The following CMTM4 variants were observed in gnomAD, a reference collection of about 807,000 sequenced individuals.
The protein encoded by CMTM4 is CKLF like MARVEL transmembrane domain containing 4, also known as CKLF-like MARVEL transmembrane domain-containing protein 4.
CMTM4 carries 8 observed loss-of-function variants against 19.0 expected under a neutral mutation model. The observed-to-expected ratio is 0.42, with a 90% confidence interval of 0.25 to 0.76. CMTM4 has a LOEUF of 0.76. Ranked by LOEUF, CMTM4 falls within the 30% of genes least tolerant of loss-of-function variation. The probability of loss-of-function intolerance (pLI) is 0.27; values close to 1 mark genes in which losing one functional copy is unlikely to be tolerated. For missense variants in CMTM4, 228 were observed against 290.2 expected (o/e 0.79, Z 1.56); for synonymous variants, 106 against 121.1 (o/e 0.88, Z 0.82).
Position 66,620,110 on chromosome 16 carries a change from G to A in CMTM4, c.*1948C>T. The A allele has an allele frequency of 1.0e-6, 1 of 985,338 alleles. No homozygotes were observed. The highest frequency in any genetic ancestry group is 1.2e-6 in the Non-Finnish European group (1 of 829,920). The allele number at this position is 985,338 out of a possible 1,614,324, so 61.0% of individuals were successfully genotyped here. On this transcript the variant is annotated 3_prime_UTR_variant, in exon 4 of 4. Transcript: ENST00000394106. ...CTCACTTCAAAGATGGCCTTTTTTG[G>A]GGGCCAAGTAACATGATTCCCAGCA... is the stretch of plus-strand genomic sequence containing the variant.
At chr16:66,626,089 G>T (rs936170429) in intron 2 of CMTM4, among the ~76,000 whole-genome samples, 1 of 152,324 alleles carries the variant, frequency 6.6e-6, no homozygotes, top group Middle Eastern at 3.4e-3. Context: ...TCAACTGCAA[G>T]ACCCTCTACA....
chr16:66,609,609 C>A, the CMTM4 span: 1 of 1,518,592 alleles, frequency 6.6e-7, no homozygotes. The surrounding 1 kb of genome is among the most constrained non-coding windows in gnomAD (Gnocchi z 4.4). Context: ...GGGGCAGAGC[C>A]TTTCCCTGCT....
intron 1 of CMTM4, among the ~76,000 whole-genome samples, chr16:66,681,393 T>A (rs1197201115): frequency 6.6e-6 from 1 of 152,026 alleles, no homozygotes; most frequent in East Asian, 1.9e-4. Flanking sequence ...CTTGGCTCAC[T>A]GCAAGCTCCA....
At chr16:66,605,131 T>G in the CMTM4 span, 1 of 516,434 alleles carries the variant, frequency 1.9e-6, no homozygotes. The surrounding 1 kb of genome is among the most constrained non-coding windows in gnomAD (Gnocchi z 4.6). Context: ...CCCCAAACTT[T>G]GGACGGCGGG....
intron 1 of CMTM4, among the ~76,000 whole-genome samples, chr16:66,662,054 A>G (rs2016508490): frequency 6.6e-6 from 1 of 152,210 alleles, no homozygotes; most frequent in African/African-American, 2.4e-5. Flanking sequence ...AGCAGCCTGC[A>G]AGCCAGGAGC....
chr16:66,672,801 A>G (rs1399175125), intron 1 of CMTM4, among the ~76,000 whole-genome samples: 1 of 122,322 alleles, frequency 8.2e-6, no homozygotes, highest in Non-Finnish European at 1.7e-5. Context: ...TTTTTTTTGT[A>G]TTTTTAGTAG....
At chr16:66,605,046 G>A in the CMTM4 span, 4 of 1,167,890 alleles carry the variant, frequency 3.4e-6, no homozygotes, top group East Asian at 3.3e-5. The surrounding 1 kb of genome is among the most constrained non-coding windows in gnomAD (Gnocchi z 4.6). Flanking sequence ...GGGGGCGGCC[G>A]CCGTGCTCCG....
the CMTM4 span, among the ~76,000 whole-genome samples, chr16:66,599,732 T>A: frequency 6.6e-6 from 1 of 152,194 alleles, no homozygotes; most frequent in Non-Finnish European, 1.5e-5. Flanking sequence ...AATTTAACCA[T>A]GTCTATCAGT....
At chr16:66,627,146 T>C (rs2015758822) in intron 2 of CMTM4, among the ~76,000 whole-genome samples, 1 of 152,148 alleles carries the variant, frequency 6.6e-6, no homozygotes, top group South Asian at 2.1e-4. Context: ...AAGGTCTAAG[T>C]ATAAGGAAGC....
intron 1 of CMTM4, among the ~76,000 whole-genome samples, chr16:66,659,109 G>A (rs2016455258): frequency 6.6e-6 from 1 of 152,160 alleles, no homozygotes; most frequent in Non-Finnish European, 1.5e-5. Context: ...GCTGGGCGTG[G>A]TGGCTCACAC....
chr16:66,608,710 T>C, the CMTM4 span, among the ~76,000 whole-genome samples: 1 of 152,186 alleles, frequency 6.6e-6, no homozygotes, highest in African/African-American at 2.4e-5. The surrounding 1 kb of genome is among the most constrained non-coding windows in gnomAD (Gnocchi z 5.1). Context: ...GAGGGGTCTC[T>C]GGCCACCAGG....
At chr16:66,634,889 C>A (rs929145760) in intron 2 of CMTM4, among the ~76,000 whole-genome samples, 4 of 152,212 alleles carry the variant, frequency 2.6e-5, no homozygotes, top group Non-Finnish European at 2.9e-5. Flanking sequence ...GGACTTGAAC[C>A]CAGCTCGGTC....
In CMTM4 at chr16:66,617,498, C is replaced by T; in HGVS notation, c.*4560G>A. 2.1e-6 allele frequency: 3 copies of T among 1,419,830 alleles called. No homozygotes were observed. In the African/African-American group the frequency reaches 4.3e-5, roughly 20 times the overall value. 88.0% of individuals were successfully genotyped at this position (1,419,830 alleles called of 1,614,324 possible). A position where few individuals can be genotyped will look rare whatever the true frequency, so the allele number is the denominator to read the frequency against. ...GAGTGTACAAAATGCCACTCACTTG[C>T]ATGAAGAAGAATTAAACAGAACATT... On this transcript the variant is annotated 3_prime_UTR_variant, in exon 4 of 4. Coordinates refer to ENST00000394106, the MANE Select transcript of CMTM4 (RefSeq NM_181521.3).
At chr16:66,609,687 C>G in the CMTM4 span, 2 of 1,541,568 alleles carry the variant, frequency 1.3e-6, no homozygotes, top group South Asian at 1.2e-5. The surrounding 1 kb of genome is among the most constrained non-coding windows in gnomAD (Gnocchi z 4.4). Context: ...AAGACTGACT[C>G]TACCCGGGGT....
intron 1 of CMTM4, among the ~76,000 whole-genome samples, chr16:66,681,344 T>C (rs1001507857): frequency 5.9e-5 from 9 of 151,914 alleles, no homozygotes; most frequent in Non-Finnish European, 5.9e-5. Context: ...TGAGACCGAG[T>C]CTTGCTCTGT....
At position 66,620,325 on chromosome 16, in the gene CMTM4, T is replaced by A. The variant is rs541931083; in HGVS notation, c.*1733A>T. On this transcript the variant is annotated 3_prime_UTR_variant, in exon 4 of 4. Transcript: ENST00000394106. ...TGAGCTGGCCTGGCTGCCCTCTCTG[T>A]GGGAGCAGAGGGGAGACGAGTTGTT... The A allele has an allele frequency of 2.3e-4, 226 of 985,448 alleles. No individual in the cohort carries two copies. Among genetic ancestry groups the A allele is most frequent in the Non-Finnish European group, 2.6e-4 (214 of 829,946 alleles). 61.0% of individuals were successfully genotyped at this position (985,448 alleles called of 1,614,324 possible). A position where few individuals can be genotyped will look rare whatever the true frequency, so the allele number is the denominator to read the frequency against.
chr16:66,637,729 G>A (rs868189419), intron 1 of CMTM4, among the ~76,000 whole-genome samples: 1 of 152,154 alleles, frequency 6.6e-6, no homozygotes, highest in South Asian at 2.1e-4. Flanking sequence ...TCAAAGAAAG[G>A]TTTCGAGCAC....
chr16:66,655,401 G>T (rs992715204), intron 1 of CMTM4, among the ~76,000 whole-genome samples: 3 of 151,910 alleles, frequency 2.0e-5, no homozygotes, highest in African/African-American at 7.3e-5. Context: ...AAGTAACAAG[G>T]GTTTCTTAGA....
the CMTM4 span, among the ~76,000 whole-genome samples, chr16:66,599,126 C>CAA: frequency 7.0e-6 from 1 of 143,202 alleles, no homozygotes; most frequent in African/African-American, 2.5e-5. Flanking sequence ...CTAAAATTAC[C>CAA]AAAAAAAAAA....
Sources: gnomAD v4.1 joint callset for allele counts (sites outside exome capture counted in the v4.1 genomes callset) on GRCh38, gnomAD v4.1.1 for gene constraint, Gnocchi (gnomAD v3.1) non-coding constraint, MANE v1.5 for transcripts, NCBI Gene and HGNC (gene_info 2026-07-23, HGNC 2026-07-21) for gene names.